WDSUB1: variants seen among roughly 807,000 people sequenced by gnomAD.
The protein encoded by WDSUB1 is WD repeat, sterile alpha motif and U-box domain containing 1, also known as WD repeat, SAM and U-box domain-containing protein 1.
WDSUB1 carries 49 observed loss-of-function variants against 53.9 expected under a neutral mutation model. The observed-to-expected ratio is 0.91, with a 90% confidence interval of 0.72 to 1.15. The LOEUF (loss-of-function observed/expected upper bound fraction) is 1.15, where lower values mean the gene tolerates loss of function less well. Ranked by LOEUF, WDSUB1 falls within the 50% of genes most tolerant of loss-of-function variation. The pLI is 0.00. For synonymous variants in WDSUB1, 194 were observed against 200.6 expected, an observed-to-expected ratio of 0.97 and a Z score of 0.28; for missense variants, 514 against 562.0, an observed-to-expected ratio of 0.91 and a Z score of 0.86.
At chr2:159,257,676 C>T (rs1396184357) in intron 8 of WDSUB1, 82 bp downstream of exon 8, 20 of 1,245,624 alleles carry the variant, frequency 1.6e-5, no homozygotes, top group South Asian at 1.0e-4. Context: ...GTGTGAGCCG[C>T]GGTGCCCAGC....
chr2:159,279,634 G>A, intron 3 of WDSUB1, 127 bp downstream of exon 3: 1 of 733,638 alleles, frequency 1.4e-6, no homozygotes, highest in Non-Finnish European at 2.0e-6. Flanking sequence ...TCCCTTTACA[G>A]GAATAAATTA....
intron 3 of WDSUB1, among the ~76,000 whole-genome samples, chr2:159,276,299 A>G (rs2061540111): frequency 6.6e-6 from 1 of 152,106 alleles, no homozygotes; most frequent in African/African-American, 2.4e-5. Flanking sequence ...TGACCTTGCA[A>G]TCCGCCTGCC....
intron 10 of WDSUB1, among the ~76,000 whole-genome samples, chr2:159,237,753 G>A (rs933090919): frequency 2.2e-5 from 1 of 46,360 alleles, no homozygotes. Flanking sequence ...CTGTAAGGAT[G>A]TAAGATGTAA....
chr2:159,246,049 A>T (rs2060787701), intron 10 of WDSUB1, among the ~76,000 whole-genome samples: 1 of 152,220 alleles, frequency 6.6e-6, no homozygotes, highest in African/African-American at 2.4e-5. Flanking sequence ...AAACTTGAAG[A>T]TATAAATTAC....
chr2:159,246,120 G>A (rs1478327976), intron 10 of WDSUB1, among the ~76,000 whole-genome samples: 1 of 152,132 alleles, frequency 6.6e-6, no homozygotes, highest in Non-Finnish European at 1.5e-5. Context: ...CATTAGTCAA[G>A]AGGGAAATGC....
intron 10 of WDSUB1, among the ~76,000 whole-genome samples, chr2:159,244,541 G>A (rs1210479989): frequency 4.6e-5 from 7 of 152,222 alleles, no homozygotes; most frequent in African/African-American, 9.7e-5. Flanking sequence ...GTTGGTTACT[G>A]AAGGATGACT....
intron 5 of WDSUB1, among the ~76,000 whole-genome samples, chr2:159,262,153 AC>A (rs2061241030): frequency 6.6e-6 from 1 of 151,508 alleles, no homozygotes; most frequent in Non-Finnish European, 1.5e-5. Context: ...CAAAAACAAA[AC>A]CCCAAAATTA....
At chr2:159,268,983 A>AAAAC (rs534289177) in intron 5 of WDSUB1, among the ~76,000 whole-genome samples, 2 of 152,186 alleles carry the variant, frequency 1.3e-5, no homozygotes, top group East Asian at 1.9e-4. Flanking sequence ...GAAACAGGAA[A>AAAAC]AAACAAACAA....
intron 9 of WDSUB1, among the ~76,000 whole-genome samples, chr2:159,253,575 TTACTG>T (rs56318839): frequency 0.38 from 57,698 of 151,990 alleles, 13,049 homozygotes; most frequent in Non-Finnish European, 0.54. Context: ...CCAATGTACT[TTACTG>T]TACAATTAAT....
intron 9 of WDSUB1, among the ~76,000 whole-genome samples, chr2:159,252,913 TA>T (rs1421715739): frequency 6.6e-6 from 1 of 152,256 alleles, no homozygotes; most frequent in Non-Finnish European, 1.5e-5. Flanking sequence ...CTATGGTTGA[TA>T]ATTATCTGAA....
intron 3 of WDSUB1, among the ~76,000 whole-genome samples, chr2:159,279,464 C>G (rs898131276): frequency 8.5e-5 from 13 of 152,056 alleles, no homozygotes; most frequent in African/African-American, 3.1e-4. Context: ...ATTGCCATAT[C>G]CAAGGAATCT....
intron 1 of WDSUB1, 140 bp downstream of exon 1, chr2:159,286,443 T>A (rs1467449150): frequency 6.6e-6 from 1 of 152,226 alleles, no homozygotes; most frequent in East Asian, 1.9e-4. Flanking sequence ...CTCGCCGCAC[T>A]CAAGGTCCCG....
intron 9 of WDSUB1, among the ~76,000 whole-genome samples, chr2:159,249,429 T>C (rs1446719495): frequency 6.6e-6 from 1 of 152,228 alleles, no homozygotes; most frequent in Non-Finnish European, 1.5e-5. Flanking sequence ...AGTTCTACTT[T>C]AGGTTGAAGT....
chr2:159,247,898 T>TATATATATAAATATATATATATATATAA lies in WDSUB1; in HGVS notation c.1273+473_1273+474insTTATATATATATATATATTTATATATAT, dbSNP rs1559531787. Among the ~76,000 whole-genome samples the TATATATATAAATATATATATATATATAA allele has an allele frequency of 2.5e-3, 71 of 28,708 alleles. 1 individual carries two copies. Among genetic ancestry groups the TATATATATAAATATATATATATATATAA allele is most frequent in the African/African-American group, 9.2e-3 (68 of 7,398 alleles). 18.8% of individuals were successfully genotyped at this position (28,708 alleles called of 152,430 possible). A position where few individuals can be genotyped will look rare whatever the true frequency, so the allele number is the denominator to read the frequency against. On this transcript the variant is annotated intron_variant, in intron 10 of 10. Transcript: ENST00000359774. ...CCAAAATTAAATAAATATATATATA[T>TATATATATAAATATATATATATATATAA]ATATATATATAAATATATATATATA...
chr2:159,270,421 T>C (rs2061424387), intron 5 of WDSUB1, among the ~76,000 whole-genome samples: 1 of 146,602 alleles, frequency 6.8e-6, no homozygotes, highest in South Asian at 2.1e-4. Flanking sequence ...TACATGAAAA[T>C]GTCAATAGCT....
chr2:159,270,604 G>A (rs1348721549), intron 5 of WDSUB1, among the ~76,000 whole-genome samples: 1 of 152,176 alleles, frequency 6.6e-6, no homozygotes, highest in East Asian at 1.9e-4. Flanking sequence ...TTTTCAATAC[G>A]TAGTACTAGG....
intron 10 of WDSUB1, among the ~76,000 whole-genome samples, chr2:159,247,095 G>A (rs558429625): frequency 6.6e-6 from 1 of 152,240 alleles, no homozygotes; most frequent in Admixed American, 6.5e-5. Context: ...TAAATCAACT[G>A]CAAACAAGAG....
At chr2:159,261,821 G>A (rs73004961) in intron 5 of WDSUB1, among the ~76,000 whole-genome samples, 7,852 of 114,776 alleles carry the variant, frequency 0.068, 551 homozygotes, top group African/African-American at 0.17. Flanking sequence ...ATGATGAGAT[G>A]AAAGGAAAAC....
intron 6 of WDSUB1, among the ~76,000 whole-genome samples, chr2:159,258,666 CAAAT>C (rs986896401): frequency 3.3e-5 from 5 of 152,118 alleles, no homozygotes; most frequent in Middle Eastern, 3.4e-3. Flanking sequence ...CTCAAAAAAA[CAAAT>C]AAATAAATTA....
Sources: gnomAD v4.1 joint callset for allele counts (sites outside exome capture counted in the v4.1 genomes callset) on GRCh38, gnomAD v4.1.1 for gene constraint, MANE v1.5 for transcripts, NCBI Gene and HGNC (gene_info 2026-07-23, HGNC 2026-07-21) for gene names.